PXDNL: variants seen among roughly 807,000 people sequenced by gnomAD.
The protein encoded by PXDNL is probable oxidoreductase PXDNL.
A neutral mutation model predicts 150.8 loss-of-function variants in PXDNL; 145 were observed. The observed-to-expected ratio is 0.96, with a 90% CI of 0.84 to 1.10. The LOEUF is 1.10. Among genes scored for constraint, PXDNL ranks in the 50% least tolerant of loss-of-function variants. The probability of loss-of-function intolerance (pLI) is 0.00; values close to 1 mark genes in which losing one functional copy is unlikely to be tolerated. For synonymous variants in PXDNL, 757 were observed against 725.7 expected (o/e 1.04, Z -0.69); for missense variants, 2,087 against 1,873.9 (o/e 1.11, Z -2.10).
chr8:51,512,183 C>T lies in PXDNL; in HGVS notation c.381-12413G>A, dbSNP rs180941293. 2.4e-3 allele frequency among the ~76,000 whole-genome samples: 373 copies of T among 152,262 alleles called. 2 individuals are homozygous for T. Among genetic ancestry groups the T allele is most frequent in the Middle Eastern group, 6.8e-3 (2 of 294 alleles). The stretch of plus-strand genomic sequence containing the variant: ...TATAGGGTATTTCAGAGAAGGGCAG[C>T]ATAATGTAGAAATTTCAGAACTCTT... On this transcript the variant is annotated intron_variant, in intron 4 of 22. Coordinates refer to ENST00000356297, the MANE Select transcript of PXDNL (RefSeq NM_144651.5).
At chr8:51,611,138 T>C (rs969344306) in intron 2 of PXDNL, among the ~76,000 whole-genome samples, 1 of 152,192 alleles carries the variant, frequency 6.6e-6, no homozygotes, top group African/African-American at 2.4e-5. Context: ...TTGAGGCAGA[T>C]TGCTTGGCTT....
rs374418191 is a variant in PXDNL, at chr8:51,629,537, T to C, written c.236+25152A>G. On this transcript the variant is annotated intron_variant, in intron 2 of 22. Transcript: ENST00000356297. ...AATAGTAGACAAAACCTTTCCAAAT[T>C]TGATAAAAGATAAGAATCTGAACAT... 2.6e-5 allele frequency among the ~76,000 whole-genome samples: 4 copies of C among 152,188 alleles called. No individual in the cohort carries two copies. The East Asian group carries it at 7.7e-4, about 29-fold the overall frequency.
chr8:51,444,959 T>A (rs1197387218), intron 12 of PXDNL, among the ~76,000 whole-genome samples: 2 of 151,768 alleles, frequency 1.3e-5, no homozygotes, highest in Non-Finnish European at 2.9e-5. Flanking sequence ...CAGGCTGGAG[T>A]GCGGTGGCAT....
At chr8:51,403,689 T>A (rs1270670730) in intron 17 of PXDNL, among the ~76,000 whole-genome samples, 1 of 152,326 alleles carries the variant, frequency 6.6e-6, no homozygotes, top group East Asian at 1.9e-4. Flanking sequence ...TGCCATCTGC[T>A]TTAGGATTGG....
At chr8:51,637,841 A>C (rs1040066493) in intron 2 of PXDNL, among the ~76,000 whole-genome samples, 2 of 152,198 alleles carry the variant, frequency 1.3e-5, no homozygotes, top group Non-Finnish European at 2.9e-5. Flanking sequence ...AATTCAGGAA[A>C]TACAGAGAAC....
intron 19 of PXDNL, among the ~76,000 whole-genome samples, chr8:51,360,864 TA>T (rs1806711319): frequency 6.6e-6 from 1 of 152,250 alleles, no homozygotes; most frequent in Admixed American, 6.5e-5. Flanking sequence ...TTTCTGTCCG[TA>T]AATCTTCTTC....
At chr8:51,418,702 T>TA (rs1335384799) in intron 14 of PXDNL, among the ~76,000 whole-genome samples, 1 of 152,222 alleles carries the variant, frequency 6.6e-6, no homozygotes, top group Non-Finnish European at 1.5e-5. Flanking sequence ...TAGTATAGGT[T>TA]ATTTCATTAA....
chr8:51,464,972 A>C (rs555914782), intron 8 of PXDNL, among the ~76,000 whole-genome samples: 149 of 152,336 alleles, frequency 9.8e-4, no homozygotes, highest in African/African-American at 3.2e-3. Flanking sequence ...ATTTTACCTG[A>C]CATACAAAGA....
At chr8:51,401,140 A>T (rs530669045) in intron 17 of PXDNL, among the ~76,000 whole-genome samples, 2 of 152,358 alleles carry the variant, frequency 1.3e-5, no homozygotes, top group East Asian at 3.9e-4. Context: ...TTCTCTAGAA[A>T]AGCAGAAATA....
chr8:51,472,097 T>A (rs1810351580), intron 8 of PXDNL, 90 bp downstream of exon 8: 2 of 777,174 alleles, frequency 2.6e-6, no homozygotes, highest in Non-Finnish European at 4.2e-6. Flanking sequence ...TTTTAGTAAT[T>A]TCTTCTCTAG....
At chr8:51,417,820 G>A (rs1808837413) in intron 14 of PXDNL, among the ~76,000 whole-genome samples, 1 of 152,168 alleles carries the variant, frequency 6.6e-6, no homozygotes, top group Non-Finnish European at 1.5e-5. Flanking sequence ...TGTTTAAACA[G>A]CAGAGAATCT....
Position 51,404,887 on chromosome 8 carries a change from G to C in PXDNL, c.3557+3180C>G, listed in dbSNP as rs536041532. 8.5e-5 allele frequency among the ~76,000 whole-genome samples: 13 copies of C among 152,326 alleles called. 1 individual carries two copies. In the South Asian group the frequency reaches 2.7e-3, roughly 32 times the overall value. On this transcript the variant is annotated intron_variant, in intron 17 of 22. Transcript: ENST00000356297. ...CCAGAGCAGGGGACGGTGATCGTCA[G>C]GGAGGCTCGGGCTGCACAGGAGCCC...
In PXDNL at chr8:51,782,465, C is replaced by T. The variant is rs528230299; in HGVS notation, c.164+26716G>A. 5.3e-5 allele frequency among the ~76,000 whole-genome samples: 8 copies of T among 152,312 alleles called. No individual in the cohort carries two copies. The South Asian group carries it at 8.3e-4, about 16-fold the overall frequency. On this transcript the variant is annotated intron_variant, in intron 1 of 22. Transcript: ENST00000356297. Reference sequence around the variant, plus strand: ...AATCACAGCCTTTGGAAGGTGTTTACTCTCATTCTCCATAGACTATCAGCT... The same window carrying T: ...AATCACAGCCTTTGGAAGGTGTTTATTCTCATTCTCCATAGACTATCAGCT...
intron 2 of PXDNL, among the ~76,000 whole-genome samples, chr8:51,650,087 G>C (rs187020240): frequency 1.3e-3 from 162 of 121,818 alleles, no homozygotes; most frequent in Middle Eastern, 4.5e-3. Context: ...CAACAACAGA[G>C]AGAGACTTTG....
chr8:51,640,563 G>C (rs1197571589), intron 2 of PXDNL, among the ~76,000 whole-genome samples: 3 of 152,068 alleles, frequency 2.0e-5, no homozygotes, highest in East Asian at 3.9e-4. Flanking sequence ...ACCAATAACA[G>C]ACCAACAGAG....
rs181332566 is a variant in PXDNL, at chr8:51,720,702, G to A, written c.165-65942C>T. ...AATTAGATATATTTCTCACTTCCTA[G>A]CTGGATATTTTGGTGAAGCATCTAG... is the stretch of plus-strand genomic sequence containing the variant. On this transcript the variant is annotated intron_variant, in intron 1 of 22. Transcript: ENST00000356297. Among the ~76,000 whole-genome samples the A allele has an allele frequency of 8.6e-4, 131 of 152,236 alleles. 2 individuals are homozygous for A. Among genetic ancestry groups the A allele is most frequent in the Admixed American group, 7.6e-3 (116 of 15,286 alleles).
chr8:51,532,235 G>A (rs943656780), intron 4 of PXDNL, among the ~76,000 whole-genome samples: 1 of 152,168 alleles, frequency 6.6e-6, no homozygotes, highest in Non-Finnish European at 1.5e-5. Flanking sequence ...AAAAAAAAGA[G>A]ATTGCTAAAA....
chr8:51,735,748 G>A (rs1315283178), intron 1 of PXDNL, among the ~76,000 whole-genome samples: 7 of 150,250 alleles, frequency 4.7e-5, no homozygotes, highest in South Asian at 4.2e-4. Flanking sequence ...GGGTTTCACC[G>A]TTTTAGCCGG....
chr8:51,349,272 A>C (rs1806263217), intron 19 of PXDNL, among the ~76,000 whole-genome samples: 1 of 151,938 alleles, frequency 6.6e-6, no homozygotes, highest in South Asian at 2.1e-4. Context: ...GGTGACCTAG[A>C]TTCTTAGTGG....
Sources: gnomAD v4.1 joint callset for allele counts (sites outside exome capture counted in the v4.1 genomes callset) on GRCh38, gnomAD v4.1.1 for gene constraint, MANE v1.5 for transcripts, NCBI Gene and HGNC (gene_info 2026-07-23, HGNC 2026-07-21) for gene names.